LETM1: variants seen among roughly 807,000 people sequenced by gnomAD.
LETM1 encodes mitochondrial proton/calcium exchanger protein.
Under a neutral mutation model 74.5 loss-of-function variants are expected in LETM1, and 50 were observed. The observed-to-expected ratio is 0.67, with a 90% CI of 0.53 to 0.85. The LOEUF (loss-of-function observed/expected upper bound fraction) is 0.85. Ranked by LOEUF, LETM1 falls within the 40% of genes least tolerant of loss-of-function variation. LETM1 has a pLI of 0.00. For synonymous variants in LETM1, 446 were observed against 407.1 expected, an observed-to-expected ratio of 1.10 and a Z score of -1.15; for missense variants, 824 against 967.8, an observed-to-expected ratio of 0.85 and a Z score of 1.97.
chr4:1,828,064 C>G (rs1271349469), intron 6 of LETM1, among the ~76,000 whole-genome samples: 1 of 141,398 alleles, frequency 7.1e-6, no homozygotes, highest in Admixed American at 6.7e-5. Flanking sequence ...CCCCACCTCC[C>G]TCCCGGACGG....
At chr4:1,816,256 G>A (rs1175202881) in intron 12 of LETM1, among the ~76,000 whole-genome samples, 1 of 152,166 alleles carries the variant, frequency 6.6e-6, no homozygotes, top group Non-Finnish European at 1.5e-5. Context: ...AACCTGCAGG[G>A]CACCAGCAGT....
At chr4:1,847,591 A>G (rs1258851945) in intron 2 of LETM1, among the ~76,000 whole-genome samples, 1 of 151,996 alleles carries the variant, frequency 6.6e-6, no homozygotes, top group Non-Finnish European at 1.5e-5. Context: ...AGGCCGAGGT[A>G]GGTGGATCAT....
chr4:1,822,851 A>G, intron 9 of LETM1, 137 bp downstream of exon 9: 1 of 908,424 alleles, frequency 1.1e-6, no homozygotes. Flanking sequence ...CTCCCTGACC[A>G]CTCCAGGAGG....
chr4:1,811,723 T>C lies in LETM1; in HGVS notation c.*2701A>G, dbSNP rs1560468371. ...ACTGTGAGCCACTGCGGGGTGTCCT[T>C]CATTTAAAAAAAGTCTGGACTGTGA... On this transcript the variant is annotated 3_prime_UTR_variant, in exon 14 of 14. Transcript: ENST00000302787. 1 of 152,246 alleles carries C rather than the reference T, an allele frequency of 6.6e-6. No homozygotes were observed. The highest frequency in any genetic ancestry group is 1.5e-5 in the Non-Finnish European group (1 of 68,026). The allele number at this position is 152,246 out of a possible 1,614,324, so 9.4% of individuals were successfully genotyped here.
chr4:1,828,370 C>G (rs1314000328), intron 6 of LETM1, among the ~76,000 whole-genome samples: 2 of 92,126 alleles, frequency 2.2e-5, no homozygotes, highest in East Asian at 7.2e-4. Flanking sequence ...GCTGGCCGGG[C>G]GGGGGGCTGA....
intron 6 of LETM1, among the ~76,000 whole-genome samples, chr4:1,826,707 G>A (rs1312631629): frequency 2.0e-5 from 3 of 152,224 alleles, no homozygotes; most frequent in Non-Finnish European, 4.4e-5. Flanking sequence ...CGAACCCTTC[G>A]CCCACTAAGC....
rs1371998949 is a variant in LETM1, at chr4:1,828,660, C to T, written c.1081-2977G>A. Among the ~76,000 whole-genome samples the T allele has an allele frequency of 7.4e-5, 10 of 135,946 alleles. No individual in the cohort carries two copies. In the South Asian group the frequency reaches 9.3e-4, roughly 13 times the overall value. 89.2% of individuals were successfully genotyped at this position (135,946 alleles called of 152,430 possible). On this transcript the variant is annotated intron_variant, in intron 6 of 13. Transcript: ENST00000302787. ...GCAGAGGCGCCCCCCACCTCCCGGA[C>T]GGGGCAGCTGGCTGGGCGGGGGGCT... is the stretch of plus-strand genomic sequence containing the variant.
intron 6 of LETM1, among the ~76,000 whole-genome samples, chr4:1,832,180 T>C (rs573804730): frequency 2.0e-5 from 3 of 152,060 alleles, no homozygotes; most frequent in Non-Finnish European, 2.9e-5. Flanking sequence ...CGGGCGCCTG[T>C]AATCCCAGCT....
intron 11 of LETM1, among the ~76,000 whole-genome samples, chr4:1,818,237 T>C (rs1210847671): frequency 6.6e-6 from 1 of 152,226 alleles, no homozygotes; most frequent in Non-Finnish European, 1.5e-5. Flanking sequence ...AGGGCTGTCA[T>C]AAATCTAGAA....
Position 1,841,253 on chromosome 4 carries a change from G to A in LETM1, c.594+94C>T. 3 of 1,134,352 alleles carry A rather than the reference G, an allele frequency of 2.6e-6. No individual in the cohort carries two copies. In the South Asian group the frequency reaches 4.5e-5, roughly 17 times the overall value. The allele number at this position is 1,134,352 out of a possible 1,614,324, so 70.3% of individuals were successfully genotyped here. A position where few individuals can be genotyped will look rare whatever the true frequency, so the allele number is the denominator to read the frequency against. ...CCAGATACTCGGGAGGCTGAGGCAG[G>A]AGGATCGCCCATGCCCAGGAAATTG... is the stretch of plus-strand genomic sequence containing the variant. On this transcript the variant is annotated intron_variant, in intron 3 of 13. Transcript: ENST00000302787.
At position 1,856,033 on chromosome 4, in the gene LETM1, G is replaced by A. The variant is rs1360549239; in HGVS notation, c.-83C>T. On this transcript the variant is annotated 5_prime_UTR_variant, in exon 1 of 14. Coordinates refer to ENST00000302787, the MANE Select transcript of LETM1 (RefSeq NM_012318.3). ...CGCGGCTCTTCGCCGTCCCGGCGGCGCTTCAGACCCGGCCCGCGCGGACGG... is the reference window on the plus strand; with the variant it reads ...CGCGGCTCTTCGCCGTCCCGGCGGCACTTCAGACCCGGCCCGCGCGGACGG... 3.3e-6 allele frequency: 3 copies of A among 910,904 alleles called. No homozygotes were observed. The highest frequency in any genetic ancestry group is 3.8e-5 in the East Asian group (1 of 26,522). 56.4% of individuals were successfully genotyped at this position (910,904 alleles called of 1,614,324 possible).
At chr4:1,837,822 C>T (rs1577321819) in intron 3 of LETM1, among the ~76,000 whole-genome samples, 1 of 151,674 alleles carries the variant, frequency 6.6e-6, no homozygotes, top group South Asian at 2.1e-4. Context: ...CCTGCCTCGG[C>T]CTCCAGAGTA....
intron 2 of LETM1, 103 bp downstream of exon 2, chr4:1,849,046 G>A (rs529860268): frequency 1.3e-6 from 1 of 781,504 alleles, no homozygotes; most frequent in Non-Finnish European, 2.3e-6. Flanking sequence ...AGGAAAGTAG[G>A]ATACACTGTT....
At chr4:1,841,848 G>C (rs1712712214) in intron 2 of LETM1, 51 bp from the exon 3 acceptor site, 3 of 1,380,952 alleles carry the variant, frequency 2.2e-6, no homozygotes, top group African/African-American at 2.9e-5. Flanking sequence ...ACTAGCCTTT[G>C]ACAGCTCAGC....
chr4:1,830,497 A>AT (rs1355231038), intron 6 of LETM1, among the ~76,000 whole-genome samples: 1 of 152,030 alleles, frequency 6.6e-6, no homozygotes, highest in African/African-American at 2.4e-5. Flanking sequence ...AGCCCAGCTA[A>AT]TTTTTAAATT....
intron 3 of LETM1, 92 bp downstream of exon 3, chr4:1,841,255 G>T: frequency 8.6e-7 from 1 of 1,162,726 alleles, no homozygotes; most frequent in Non-Finnish European, 1.2e-6. Flanking sequence ...TGAGGCAGGA[G>T]GATCGCCCAT....
Position 1,817,364 on chromosome 4 carries a change from C to T in LETM1, c.1744-450G>A, listed in dbSNP as rs1402163673. Among the ~76,000 whole-genome samples, 5 of 151,930 alleles carry T rather than the reference C, an allele frequency of 3.3e-5. No homozygotes were observed. The South Asian group carries it at 6.2e-4, about 19-fold the overall frequency. On this transcript the variant is annotated intron_variant, in intron 11 of 13. Transcript: ENST00000302787. ...TTGAGGACAGGAGTTCGAAACCAGA[C>T]CAGGCAACATAGCAAGACTTTATCT...
At chr4:1,847,369 C>T (rs1712918630) in intron 2 of LETM1, among the ~76,000 whole-genome samples, 1 of 151,438 alleles carries the variant, frequency 6.6e-6, no homozygotes. Context: ...AAGTAATATT[C>T]CTTCCCAACT....
chr4:1,854,709 C>T (rs1406901889), intron 1 of LETM1, among the ~76,000 whole-genome samples: 2 of 152,110 alleles, frequency 1.3e-5, no homozygotes, highest in Admixed American at 6.6e-5. Context: ...AAGAGAATCA[C>T]TTGAACCCAG....
Sources: allele counts gnomAD v4.1 joint callset (sites outside exome capture counted in the v4.1 genomes callset), GRCh38; gene constraint gnomAD v4.1.1; transcripts MANE v1.5; gene names NCBI Gene and HGNC (gene_info 2026-07-23, HGNC 2026-07-21).